Variants in ATRNL1 observed in about 807,000 individuals in gnomAD.
The protein encoded by ATRNL1 is attractin-like protein 1.
Under a neutral mutation model 182.7 loss-of-function variants are expected in ATRNL1, and 95 were observed. That is an observed-to-expected ratio of 0.52 (90% CI 0.44 to 0.62). The LOEUF (loss-of-function observed/expected upper bound fraction) is 0.62, where lower values mean the gene tolerates loss of function less well. Ranked by LOEUF, ATRNL1 falls within the 20% of genes least tolerant of loss-of-function variation. The pLI, the probability that ATRNL1 is intolerant of heterozygous loss-of-function variation, is 0.00. For synonymous variants in ATRNL1, 576 were observed against 568.3 expected (o/e 1.01, Z -0.19); for missense variants, 1,471 against 1,679.5 (o/e 0.88, Z 2.17).
chr10:115,499,696 G>A (rs1255103820), intron 24 of ATRNL1, among the ~76,000 whole-genome samples: 3 of 152,148 alleles, frequency 2.0e-5, no homozygotes, highest in African/African-American at 7.2e-5. Flanking sequence ...GAGACAAATA[G>A]TTGCATTCAT....
intron 15 of ATRNL1, among the ~76,000 whole-genome samples, chr10:115,290,396 T>C (rs1554920469): frequency 6.6e-6 from 1 of 152,130 alleles, no homozygotes; most frequent in Non-Finnish European, 1.5e-5. Flanking sequence ...GGCTCATGCC[T>C]GTAATTCCAG....
At chr10:115,759,519 A>G (rs576992045) in intron 27 of ATRNL1, among the ~76,000 whole-genome samples, 1 of 152,242 alleles carries the variant, frequency 6.6e-6, no homozygotes, top group Admixed American at 6.5e-5. Context: ...GTGAGAACGA[A>G]TGAGTGAGGA....
chr10:115,836,334 C>T (rs2134324543), intron 27 of ATRNL1, among the ~76,000 whole-genome samples: 1 of 152,252 alleles, frequency 6.6e-6, no homozygotes, highest in South Asian at 2.1e-4. Context: ...AAAAAGATGG[C>T]AAGTAATCAA....
chr10:115,165,055 C>T (rs1474443965), intron 6 of ATRNL1, among the ~76,000 whole-genome samples: 2 of 151,716 alleles, frequency 1.3e-5, no homozygotes, highest in Non-Finnish European at 2.9e-5. Context: ...ATTACACATT[C>T]TATACATATA....
At chr10:115,579,168 A>G (rs1576148) in intron 26 of ATRNL1, among the ~76,000 whole-genome samples, 73,740 of 151,466 alleles carry the variant, frequency 0.49, 19,162 homozygotes, top group East Asian at 0.84. Context: ...AGGAATGTGT[A>G]TTCTATTACT....
At chr10:115,803,643 T>C (rs576023594) in intron 27 of ATRNL1, among the ~76,000 whole-genome samples, 1 of 152,186 alleles carries the variant, frequency 6.6e-6, no homozygotes, top group South Asian at 2.1e-4. Context: ...TTATATATCT[T>C]TTTGATTCGG....
chr10:115,924,454 G>C (rs1027483757), intron 28 of ATRNL1, among the ~76,000 whole-genome samples: 7 of 152,092 alleles, frequency 4.6e-5, no homozygotes, highest in African/African-American at 1.7e-4. Flanking sequence ...TCCTGTTTCA[G>C]TTTTCTGCAT....
chr10:115,159,245 A>G (rs2143988015), intron 5 of ATRNL1, among the ~76,000 whole-genome samples: 1 of 151,630 alleles, frequency 6.6e-6, no homozygotes, highest in East Asian at 1.9e-4. Context: ...AGAATTTTTT[A>G]GTTTCATTAA....
chr10:115,658,090 CTTTTTTTT>C (rs71010038), intron 26 of ATRNL1, among the ~76,000 whole-genome samples: 3 of 90,288 alleles, frequency 3.3e-5, no homozygotes, highest in Non-Finnish European at 6.1e-5. Context: ...AATTTTTTTC[CTTTTTTTT>C]TTTTTTTTTT....
At chr10:115,611,135 T>C (rs901260282) in intron 26 of ATRNL1, among the ~76,000 whole-genome samples, 30 of 152,020 alleles carry the variant, frequency 2.0e-4, no homozygotes, top group African/African-American at 7.0e-4. Context: ...AACATTTGTA[T>C]ACCTCTGTGG....
At chr10:115,334,833 T>C (rs545585877) in intron 19 of ATRNL1, among the ~76,000 whole-genome samples, 1 of 152,170 alleles carries the variant, frequency 6.6e-6, no homozygotes, top group African/African-American at 2.4e-5. Flanking sequence ...GGTGGTAGTA[T>C]AGAGTAGTAT....
chr10:115,604,285 G>A (rs1456268421), intron 26 of ATRNL1, among the ~76,000 whole-genome samples: 1 of 152,126 alleles, frequency 6.6e-6, no homozygotes, highest in African/African-American at 2.4e-5. Context: ...TTTGAGGCTT[G>A]TTTTTGAACT....
chr10:115,905,430 A>G (rs936658680), intron 28 of ATRNL1, among the ~76,000 whole-genome samples: 4 of 148,272 alleles, frequency 2.7e-5, no homozygotes, highest in Middle Eastern at 3.5e-3. Flanking sequence ...GGGTCTTCCT[A>G]TGTTGCCCAG....
chr10:115,876,808 C>G (rs1951710726), intron 28 of ATRNL1, among the ~76,000 whole-genome samples: 1 of 152,138 alleles, frequency 6.6e-6, no homozygotes, highest in Non-Finnish European at 1.5e-5. Context: ...ACCTTTTGTT[C>G]TCTGAATATT....
At chr10:115,661,475 T>A (rs915728808) in intron 26 of ATRNL1, among the ~76,000 whole-genome samples, 33 of 152,150 alleles carry the variant, frequency 2.2e-4, no homozygotes, top group Non-Finnish European at 3.5e-4. Flanking sequence ...CTACATTATT[T>A]CTATGGTGAT....
chr10:115,158,123 T>G (rs1281934457), intron 5 of ATRNL1, among the ~76,000 whole-genome samples: 1 of 152,052 alleles, frequency 6.6e-6, no homozygotes, highest in Non-Finnish European at 1.5e-5. Context: ...CTATTAACAT[T>G]TTACTCTATT....
intron 28 of ATRNL1, among the ~76,000 whole-genome samples, chr10:115,913,765 C>T (rs567919977): frequency 8.5e-4 from 129 of 152,276 alleles, no homozygotes; most frequent in African/African-American, 3.1e-3. Flanking sequence ...AGTCACAATG[C>T]GTGGCCCACA....
At chr10:115,763,214 T>C (rs976476803) in intron 27 of ATRNL1, among the ~76,000 whole-genome samples, 15 of 152,064 alleles carry the variant, frequency 9.9e-5, no homozygotes, top group African/African-American at 3.6e-4. Context: ...TTCAAAAATA[T>C]TTATTGAACA....
chr10:115,408,949 A>G (rs1380832917), intron 20 of ATRNL1, among the ~76,000 whole-genome samples: 7 of 152,036 alleles, frequency 4.6e-5, no homozygotes. Flanking sequence ...TTATGCCAGT[A>G]CCTGTCATTT....
Sources: allele counts gnomAD v4.1 joint callset (sites outside exome capture counted in the v4.1 genomes callset), GRCh38; gene constraint gnomAD v4.1.1; transcripts MANE v1.5; gene names NCBI Gene and HGNC (gene_info 2026-07-23, HGNC 2026-07-21).